Variants in TMEM132B observed in about 807,000 individuals in gnomAD.
The protein encoded by TMEM132B is transmembrane protein 132B.
A neutral mutation model predicts 90.8 loss-of-function variants in TMEM132B; 18 were observed. The observed-to-expected ratio is 0.20, with a 90% CI of 0.14 to 0.29. The LOEUF (loss-of-function observed/expected upper bound fraction) is 0.29, where lower values mean the gene tolerates loss of function less well. Among genes scored for constraint, TMEM132B ranks in the 10% least tolerant of loss-of-function variants. The pLI is 1.00. For missense variants in TMEM132B, 1,096 were observed against 1,326.8 expected (o/e 0.83, Z 2.70); for synonymous variants, 504 against 523.3 (o/e 0.96, Z 0.50).
At chr12:125,533,664 G>A (rs1306230288) in intron 4 of TMEM132B, among the ~76,000 whole-genome samples, 1 of 124,028 alleles carries the variant, frequency 8.1e-6, no homozygotes, top group Non-Finnish European at 1.9e-5. Flanking sequence ...TACAGGCCGC[G>A]CGCCCTCCCC....
chr12:125,400,175 T>C (rs1879278326), intron 2 of TMEM132B, among the ~76,000 whole-genome samples: 1 of 152,258 alleles, frequency 6.6e-6, no homozygotes, highest in Non-Finnish European at 1.5e-5. Flanking sequence ...CTGAAATAAC[T>C]AAAACCATTC....
chr12:125,480,967 A>G (rs902067020), intron 3 of TMEM132B, among the ~76,000 whole-genome samples: 1 of 152,340 alleles, frequency 6.6e-6, no homozygotes, highest in Non-Finnish European at 1.5e-5. Flanking sequence ...ATGCAAATCA[A>G]TAAACATAAT....
intron 3 of TMEM132B, among the ~76,000 whole-genome samples, chr12:125,429,867 CTT>C (rs768730443): frequency 2.2e-4 from 34 of 152,160 alleles, no homozygotes; most frequent in Non-Finnish European, 2.1e-4. Context: ...CTTTTCCCTG[CTT>C]CCCCCCTTTC....
intron 5 of TMEM132B, among the ~76,000 whole-genome samples, chr12:125,625,428 C>T (rs533655093): frequency 3.1e-4 from 47 of 152,254 alleles, no homozygotes; most frequent in Non-Finnish European, 4.7e-4. Context: ...CCACCGCGCC[C>T]GGTCAGATTT....
chr12:125,502,026 G>A (rs145450302), intron 3 of TMEM132B, among the ~76,000 whole-genome samples: 250 of 152,300 alleles, frequency 1.6e-3, no homozygotes, highest in African/African-American at 5.7e-3. Flanking sequence ...ACATATGCAC[G>A]CACGAATGCA....
chr12:125,456,799 A>G (rs979085130), intron 3 of TMEM132B, among the ~76,000 whole-genome samples: 2 of 152,092 alleles, frequency 1.3e-5, no homozygotes, highest in African/African-American at 2.4e-5. Context: ...CTTCAGAAAG[A>G]CCTGTGGACC....
At chr12:125,527,231 C>CATTTACCT (rs1883499952) in intron 4 of TMEM132B, among the ~76,000 whole-genome samples, 1 of 140,646 alleles carries the variant, frequency 7.1e-6, no homozygotes, top group African/African-American at 2.9e-5. Context: ...CCCATCCACC[C>CATTTACCT]TTCCATCCAC....
intron 1 of TMEM132B, among the ~76,000 whole-genome samples, chr12:125,221,738 C>G (rs537392945): frequency 1.3e-5 from 2 of 152,156 alleles, no homozygotes; most frequent in African/African-American, 4.8e-5. Flanking sequence ...CCTGTAGGAA[C>G]AGGAGACATT....
At chr12:125,626,264 A>T (rs1035609798) in intron 5 of TMEM132B, among the ~76,000 whole-genome samples, 1 of 151,988 alleles carries the variant, frequency 6.6e-6, no homozygotes, top group Non-Finnish European at 1.5e-5. Context: ...TCACATGCCT[A>T]GGTGTTTGTT....
chr12:125,206,384 C>T (rs1398212317), intron 1 of TMEM132B, among the ~76,000 whole-genome samples: 1 of 152,072 alleles, frequency 6.6e-6, no homozygotes, highest in African/African-American at 2.4e-5. Context: ...ATTACAGGCA[C>T]GTGCCTCCAT....
At chr12:125,550,672 A>T (rs10492031) in intron 4 of TMEM132B, among the ~76,000 whole-genome samples, 4 of 152,222 alleles carry the variant, frequency 2.6e-5, no homozygotes, top group Non-Finnish European at 2.9e-5. Context: ...TAGGGTATTA[A>T]GTGTATCTAA....
rs1887193683 is a variant in TMEM132B at position 125,660,898 on chromosome 12, A to T, written c.*6188A>T. The T allele has an allele frequency of 6.6e-6, 1 of 152,256 alleles. No homozygotes were observed. Among genetic ancestry groups the T allele is most frequent in the Non-Finnish European group, 1.5e-5 (1 of 68,052 alleles). The allele number at this position is 152,256 out of a possible 1,614,324, so 9.4% of individuals were successfully genotyped here. ...GGATAGAAGACCTCTCTATACATCT[A>T]CATTGCCCATTGGAGTAAAGCACTT... On this transcript the variant is annotated 3_prime_UTR_variant, in exon 9 of 9. Coordinates refer to ENST00000682704, the MANE Select transcript of TMEM132B (RefSeq NM_001366854.1).
At chr12:125,335,965 C>T (rs541796729) in intron 1 of TMEM132B, among the ~76,000 whole-genome samples, 11 of 152,110 alleles carry the variant, frequency 7.2e-5, no homozygotes, top group Non-Finnish European at 1.3e-4. Flanking sequence ...CCAGCCTGGG[C>T]GACAGAGCAA....
intron 4 of TMEM132B, among the ~76,000 whole-genome samples, chr12:125,546,565 C>T (rs536288700): frequency 2.0e-5 from 3 of 152,264 alleles, no homozygotes; most frequent in African/African-American, 7.2e-5. Context: ...AATTTTTGGT[C>T]TGGCTTCTTT....
chr12:125,566,366 T>C (rs1884657540), intron 4 of TMEM132B, among the ~76,000 whole-genome samples: 1 of 152,244 alleles, frequency 6.6e-6, no homozygotes, highest in African/African-American at 2.4e-5. Context: ...TTCCTCCTCA[T>C]AGATTTGTTA....
intron 5 of TMEM132B, among the ~76,000 whole-genome samples, chr12:125,600,583 A>C (rs1377703050): frequency 6.6e-6 from 1 of 152,206 alleles, no homozygotes; most frequent in African/African-American, 2.4e-5. Context: ...ATAAATGTGA[A>C]TCTTTTTGCC....
chr12:125,637,994 C>T (rs1383113390), intron 5 of TMEM132B, among the ~76,000 whole-genome samples: 4 of 152,198 alleles, frequency 2.6e-5, no homozygotes, highest in African/African-American at 7.2e-5. Context: ...CTGTATTCCA[C>T]ATAAATTATA....
chr12:125,399,585 C>T (rs1879258215), intron 2 of TMEM132B, among the ~76,000 whole-genome samples: 1 of 151,734 alleles, frequency 6.6e-6, no homozygotes, highest in African/African-American at 2.4e-5. Context: ...AAGGAACCCA[C>T]CCTACCAACA....
chr12:125,273,432 C>G (rs1296987567), intron 1 of TMEM132B, among the ~76,000 whole-genome samples: 1 of 151,944 alleles, frequency 6.6e-6, no homozygotes, highest in Non-Finnish European at 1.5e-5. Context: ...ACAAAAAATA[C>G]AAAAATTAGC....
Sources: gnomAD v4.1 joint callset for allele counts (sites outside exome capture counted in the v4.1 genomes callset) on GRCh38, gnomAD v4.1.1 for gene constraint, MANE v1.5 for transcripts, NCBI Gene and HGNC (gene_info 2026-07-23, HGNC 2026-07-21) for gene names.